Variants in CTNNA2 observed in about 807,000 individuals in gnomAD.
CTNNA2 encodes catenin alpha 2, also known as catenin alpha-2.
CTNNA2 carries 42 observed loss-of-function variants against 101.0 expected under a neutral mutation model. That is an observed-to-expected ratio of 0.42 (90% CI 0.32 to 0.54). CTNNA2 has a LOEUF of 0.54. CTNNA2 is among the 20% of genes least tolerant of loss of function. CTNNA2 has a pLI of 0.14. For missense variants in CTNNA2, 871 were observed against 1,223.1 expected, an observed-to-expected ratio of 0.71 and a Z score of 4.29; for synonymous variants, 450 against 456.4, an observed-to-expected ratio of 0.99 and a Z score of 0.18.
chr2:80,195,035 A>G (rs537762014), intron 7 of CTNNA2, among the ~76,000 whole-genome samples: 15 of 152,308 alleles, frequency 9.8e-5, no homozygotes, highest in Admixed American at 6.5e-4. Context: ...CCTTGAGAAC[A>G]AGAGCTTTAT....
At chr2:80,395,984 A>C (rs1455890438) in intron 8 of CTNNA2, among the ~76,000 whole-genome samples, 1 of 152,192 alleles carries the variant, frequency 6.6e-6, no homozygotes, top group Non-Finnish European at 1.5e-5. Flanking sequence ...GCTTTTCAGA[A>C]GGGTGACCCT....
At chr2:80,154,411 G>A (rs541695181) in intron 7 of CTNNA2, among the ~76,000 whole-genome samples, 4 of 152,256 alleles carry the variant, frequency 2.6e-5, no homozygotes, top group East Asian at 1.9e-4. Flanking sequence ...AGCTTATCAC[G>A]GTGTGGGTTT....
At chr2:79,206,883 C>A (rs1674106699) in intron 2 of CTNNA2, among the ~76,000 whole-genome samples, 1 of 152,136 alleles carries the variant, frequency 6.6e-6, no homozygotes, top group African/African-American at 2.4e-5. Context: ...CTCCTGAAGG[C>A]CACTCTAATC....
At chr2:79,315,127 C>T (rs970878998) in intron 3 of CTNNA2, among the ~76,000 whole-genome samples, 2 of 152,200 alleles carry the variant, frequency 1.3e-5, no homozygotes, top group Admixed American at 1.3e-4. Context: ...TTCTTCCTCT[C>T]TTTTTCTTCT....
At chr2:79,383,376 T>G (rs1462739194) in intron 4 of CTNNA2, among the ~76,000 whole-genome samples, 1 of 152,092 alleles carries the variant, frequency 6.6e-6, no homozygotes. Context: ...GAATGGACCT[T>G]GAAGGATAGA....
At chr2:79,723,900 C>T (rs1411669349) in intron 2 of CTNNA2, among the ~76,000 whole-genome samples, 3 of 152,188 alleles carry the variant, frequency 2.0e-5, no homozygotes, top group African/African-American at 7.2e-5. Flanking sequence ...TGTGTCTTTT[C>T]CTGCCTGGAT....
chr2:80,259,713 C>T (rs573779395), intron 7 of CTNNA2, among the ~76,000 whole-genome samples: 49 of 152,262 alleles, frequency 3.2e-4, no homozygotes, highest in South Asian at 1.5e-3. Flanking sequence ...TATTTTCAGC[C>T]TTTGTGTGGC....
rs146585866 is a variant in CTNNA2, at chr2:80,265,045, G to C, written c.1057-128166G>C. The stretch of plus-strand genomic sequence containing the variant: ...ACTGGAGTGCAGTTGTGCAATCTTG[G>C]CTCACTGCAACCTCCGCCTCCTGGG... On this transcript the variant is annotated intron_variant, in intron 7 of 18. Coordinates refer to ENST00000402739, the MANE Select transcript of CTNNA2 (RefSeq NM_001282597.3). Among the ~76,000 whole-genome samples, 64 of 151,110 alleles carry C rather than the reference G, an allele frequency of 4.2e-4. 1 individual carries two copies. The East Asian group carries it at 0.012, about 29-fold the overall frequency.
intron 7 of CTNNA2, among the ~76,000 whole-genome samples, chr2:80,362,962 A>C (rs1458152765): frequency 6.7e-6 from 1 of 150,254 alleles, no homozygotes; most frequent in African/African-American, 2.5e-5. Context: ...TTACCACTGC[A>C]CCATGGCATT....
intron 7 of CTNNA2, among the ~76,000 whole-genome samples, chr2:80,103,869 G>C (rs548144972): frequency 2.0e-4 from 31 of 152,290 alleles, no homozygotes; most frequent in African/African-American, 7.5e-4. Flanking sequence ...TGAGTAGCTG[G>C]GATTACAGGC....
intron 9 of CTNNA2, among the ~76,000 whole-genome samples, chr2:80,532,805 G>A (rs1333907522): frequency 1.3e-5 from 2 of 152,058 alleles, no homozygotes; most frequent in Non-Finnish European, 2.9e-5. Context: ...ATATTACCTA[G>A]GAGAAGAAAA....
At chr2:79,903,823 G>T (rs1292384204) in intron 6 of CTNNA2, among the ~76,000 whole-genome samples, 1 of 152,180 alleles carries the variant, frequency 6.6e-6, no homozygotes, top group African/African-American at 2.4e-5. Flanking sequence ...TTGGGCAGGA[G>T]CATGCGCCTG....
intron 1 of CTNNA2, among the ~76,000 whole-genome samples, chr2:79,595,323 T>G (rs1338746363): frequency 6.6e-6 from 1 of 152,212 alleles, no homozygotes; most frequent in African/African-American, 2.4e-5. Flanking sequence ...TCCCGTGATT[T>G]ATCTTCTATA....
chr2:80,257,663 T>C (rs945824043), intron 7 of CTNNA2, among the ~76,000 whole-genome samples: 1 of 152,198 alleles, frequency 6.6e-6, no homozygotes, highest in African/African-American at 2.4e-5. Flanking sequence ...GTGTGCACAG[T>C]GCAGCTCAGT....
chr2:79,261,739 G>C (rs561122933), intron 2 of CTNNA2, among the ~76,000 whole-genome samples: 4 of 152,164 alleles, frequency 2.6e-5, no homozygotes, highest in African/African-American at 9.7e-5. Context: ...CTCCTTAAAA[G>C]CTCCATCTCC....
chr2:80,561,347 T>C (rs1693573826), intron 12 of CTNNA2, among the ~76,000 whole-genome samples: 1 of 152,182 alleles, frequency 6.6e-6, no homozygotes, highest in African/African-American at 2.4e-5. Context: ...AACGTATAAT[T>C]TGTCTCAATG....
intron 1 of CTNNA2, among the ~76,000 whole-genome samples, chr2:79,635,761 C>T (rs540223821): frequency 1.1e-4 from 17 of 151,488 alleles, no homozygotes; most frequent in African/African-American, 3.4e-4. Context: ...GCCTCGGCCT[C>T]CCTAAGTGCT....
chr2:79,580,725 T>G (rs1234245277), intron 1 of CTNNA2, among the ~76,000 whole-genome samples: 4 of 152,232 alleles, frequency 2.6e-5, no homozygotes, highest in African/African-American at 9.6e-5. Flanking sequence ...CAAGTGATCC[T>G]TAGTAAAACT....
At chr2:80,358,764 A>T (rs922110910) in intron 7 of CTNNA2, among the ~76,000 whole-genome samples, 3 of 152,126 alleles carry the variant, frequency 2.0e-5, no homozygotes, top group Non-Finnish European at 4.4e-5. Flanking sequence ...CTCAAGTCTA[A>T]CCAGTTGCAA....
Sources: gnomAD v4.1 joint callset for allele counts (sites outside exome capture counted in the v4.1 genomes callset) on GRCh38, gnomAD v4.1.1 for gene constraint, MANE v1.5 for transcripts, NCBI Gene and HGNC (gene_info 2026-07-23, HGNC 2026-07-21) for gene names.